The following GPRIN1 variants were observed in gnomAD, a reference collection of about 807,000 sequenced individuals.
GPRIN1 encodes the protein G protein regulated inducer of neurite outgrowth 1.
GPRIN1 carries 4 observed loss-of-function variants against 2.8 expected under a neutral mutation model. The ratio of observed to expected loss-of-function variants is 1.45; its 90% confidence interval spans 0.71 to 3.32. GPRIN1 has a LOEUF of 3.32. Among genes scored for constraint, GPRIN1 ranks in the 30% most tolerant of loss-of-function variants. The pLI, the probability that GPRIN1 is intolerant of heterozygous loss-of-function variation, is 0.01. For missense variants in GPRIN1, 1,322 were observed against 1,343.4 expected (o/e 0.98, Z 0.25); for synonymous variants, 589 against 589.9 (o/e 1.00, Z 0.02).
intron 1 of GPRIN1, 141 bp downstream of exon 1, chr5:176,609,858 G>A (rs1173514085): frequency 2.0e-5 from 3 of 150,210 alleles, no homozygotes; most frequent in Non-Finnish European, 4.5e-5. Flanking sequence ...ACACACCCGG[G>A]CTCATGCCGC....
At chr5:176,601,082 T>TA (rs74274465) in intron 1 of GPRIN1, among the ~76,000 whole-genome samples, 160 of 146,242 alleles carry the variant, frequency 1.1e-3, no homozygotes, top group African/African-American at 2.1e-3. Context: ...ATTAAAGGTT[T>TA]AAAAAAAAAA....
chr5:176,609,773 CCCCCGCCCCGCCCCGCCCCG>C (rs565734795), intron 1 of GPRIN1, among the ~76,000 whole-genome samples: 1 of 148,852 alleles, frequency 6.7e-6, no homozygotes, highest in Admixed American at 6.6e-5. Flanking sequence ...GCGGGACCCG[CCCCCGCCCCGCCCCGCCCCG>C]CCCCGCCCCG....
Position 176,599,600 on chromosome 5 carries a change from C to T in GPRIN1, c.235G>A (p.Glu79Lys). ...GGGCCGTCAGAGCAGGAGGCCCCTT[C>T]CCCAGCCCCACTGGGGCTTCTGTGT... ...SRHRSPSGAGEGASCSDGPRG... is the reference protein window; with the variant it reads ...SRHRSPSGAGKGASCSDGPRG... Residue 79 changes from glutamate (E) to lysine (K), a missense_variant, in exon 2 of 2, where the codon GAA (glutamate) becomes AAA (lysine). Glu to Lys is a moderately conservative substitution (Grantham distance 56). Around this residue, in one of 3 missense-constraint regions of GPRIN1, gnomAD observed 1,117 missense variants for 1,128.6 expected, o/e 0.99. Transcript: ENST00000303991. The T allele has an allele frequency of 6.5e-7, 1 of 1,542,896 alleles. No homozygotes were observed. Among genetic ancestry groups the T allele is most frequent in the Non-Finnish European group, 8.7e-7 (1 of 1,148,964 alleles).
rs138951715 is a variant in GPRIN1, at chr5:176,598,790, A to G, written c.1045T>C (p.Cys349Arg). The G allele has an allele frequency of 1.3e-4, 209 of 1,613,680 alleles. 1 individual carries two copies. In the African/African-American group the frequency reaches 2.6e-3, roughly 20 times the overall value. ...GATGCGGGATCTGCCATCCCCAAGCATGTGGGATCCAGCCTTCCCAAGGAC... is the reference window on the plus strand; with the variant it reads ...GATGCGGGATCTGCCATCCCCAAGCGTGTGGGATCCAGCCTTCCCAAGGAC... ...PGSLGRLDPTCLGMADPASVG... is the reference protein window; with the variant it reads ...PGSLGRLDPTRLGMADPASVG... The change falls in exon 2 of 2, where the codon TGC becomes CGC. Residue 349 changes from cysteine to arginine, a missense_variant. By Grantham distance (180) the Cys-to-Arg change is radical. Transcript: ENST00000303991.
chr5:176,609,157 G>T (rs1414343555), intron 1 of GPRIN1, among the ~76,000 whole-genome samples: 1 of 152,224 alleles, frequency 6.6e-6, no homozygotes, highest in Non-Finnish European at 1.5e-5. Flanking sequence ...GAGTGTGTGT[G>T]TAAGAGGGAG....
At position 176,596,327 on chromosome 5, in the gene GPRIN1, A is replaced by G. The variant is rs1759033398; in HGVS notation, c.*481T>C. The G allele has an allele frequency of 6.6e-6, 1 of 152,618 alleles. No homozygotes were observed. Among genetic ancestry groups the G allele is most frequent in the African/African-American group, 2.4e-5 (1 of 41,580 alleles). 9.5% of individuals were successfully genotyped at this position (152,618 alleles called of 1,614,324 possible). On this transcript the variant is annotated 3_prime_UTR_variant, in exon 2 of 2. Coordinates refer to ENST00000303991, the MANE Select transcript of GPRIN1 (RefSeq NM_052899.3). This position sits in a 1 kb window ranked among gnomAD's most constrained non-coding sequence, Gnocchi z 5.2. The stretch of plus-strand genomic sequence containing the variant: ...CCTCACGTGCTGCCCGAGACCTCAC[A>G]TTCAGAGACGTGCCCACTCGCGGGT...
At chr5:176,606,960 G>A (rs1463095264) in intron 1 of GPRIN1, among the ~76,000 whole-genome samples, 1 of 152,226 alleles carries the variant, frequency 6.6e-6, no homozygotes, top group Non-Finnish European at 1.5e-5. Context: ...CCTCTGAGAT[G>A]GGATAAAGTC....
intron 1 of GPRIN1, among the ~76,000 whole-genome samples, chr5:176,606,951 C>T (rs1212760891): frequency 6.6e-6 from 1 of 152,212 alleles, no homozygotes; most frequent in Non-Finnish European, 1.5e-5. Flanking sequence ...ATTTTCCAGC[C>T]TCTGAGATGG....
chr5:176,609,641 AC>A lies in GPRIN1; in HGVS notation c.-44+357del, dbSNP rs1759278997. 2.7e-5 allele frequency among the ~76,000 whole-genome samples: 4 copies of A among 150,590 alleles called. No homozygotes were observed. In the South Asian group the frequency reaches 8.4e-4, roughly 32 times the overall value. Reference sequence around the variant, plus strand: ...CGCCCTCCCCCCAGTGGCGGGAAGCACCCCCTCCCGCGCGGCCATGCCGAAC... The same window carrying A: ...CGCCCTCCCCCCAGTGGCGGGAAGCACCCCTCCCGCGCGGCCATGCCGAAC... On this transcript the variant is annotated intron_variant, in intron 1 of 1. Transcript: ENST00000303991.
rs1759159825 is a variant in GPRIN1, at chr5:176,602,320, C to G, written c.-43-2443G>C. On this transcript the variant is annotated intron_variant, in intron 1 of 1. Coordinates refer to ENST00000303991, the MANE Select transcript of GPRIN1 (RefSeq NM_052899.3). The surrounding 1 kb of genome is among the most constrained non-coding windows in gnomAD (Gnocchi z 4.4). ...CCTCTTATTCTAATCAGTTTTCCTC[C>G]ATAGTACCTGTCACCATCTGACATA... 1.3e-5 allele frequency among the ~76,000 whole-genome samples: 2 copies of G among 152,176 alleles called. No homozygotes were observed. Among genetic ancestry groups the G allele is most frequent in the African/African-American group, 4.8e-5 (2 of 41,442 alleles).
rs1477177773 is a variant in GPRIN1, at chr5:176,597,705, C to T, written c.2130G>A (p.Val710=). The change falls in exon 2 of 2, where the codon GTG becomes GTA. Residue 710 remains valine, a synonymous_variant. Transcript: ENST00000303991. The surrounding 1 kb of genome is among the most constrained non-coding windows in gnomAD (Gnocchi z 6.1). ...RKTESPSLGK[V]VPLSLEKTKP... ...TGGTCTTCTCCAGACTCAGGGGGAC[C>T]ACCTTCCCCAAGGATGGGGACTCCG... 1 of 1,594,494 alleles carries T rather than the reference C, an allele frequency of 6.3e-7. No homozygotes were observed. Among genetic ancestry groups the T allele is most frequent in the African/African-American group, 1.3e-5 (1 of 74,252 alleles).
At chr5:176,604,050 A>G (rs1373278858) in intron 1 of GPRIN1, among the ~76,000 whole-genome samples, 1 of 152,216 alleles carries the variant, frequency 6.6e-6, no homozygotes, top group African/African-American at 2.4e-5. Flanking sequence ...CACACAGGCA[A>G]TGTTCTAGGC....
Position 176,595,806 on chromosome 5 carries a change from G to A in GPRIN1, c.*1002C>T. 1 of 910,830 alleles carries A rather than the reference G, an allele frequency of 1.1e-6. No homozygotes were observed. The highest frequency in any genetic ancestry group is 1.6e-6 in the Non-Finnish European group (1 of 641,684). The allele number at this position is 910,830 out of a possible 1,614,324, so 56.4% of individuals were successfully genotyped here. On this transcript the variant is annotated 3_prime_UTR_variant, in exon 2 of 2. Transcript: ENST00000303991. The stretch of plus-strand genomic sequence containing the variant: ...GCCAATCACGGCAGACAGGGGTTGG[G>A]GAAATATTTTATTACCAATGTATAC...
intron 1 of GPRIN1, among the ~76,000 whole-genome samples, chr5:176,601,110 G>A (rs1466167415): frequency 1.3e-5 from 2 of 152,006 alleles, no homozygotes; most frequent in African/African-American, 4.8e-5. Flanking sequence ...ACATTATGTG[G>A]GCCAAACAAG....
intron 1 of GPRIN1, among the ~76,000 whole-genome samples, chr5:176,603,287 A>T (rs1003924694): frequency 1.3e-5 from 2 of 151,254 alleles, no homozygotes; most frequent in African/African-American, 4.9e-5. Context: ...GCCTCTACAC[A>T]CCCTCTTCTG....
chr5:176,609,324 T>C (rs1460418674), intron 1 of GPRIN1, among the ~76,000 whole-genome samples: 1 of 152,064 alleles, frequency 6.6e-6, no homozygotes, highest in Non-Finnish European at 1.5e-5. Flanking sequence ...GATGGCTGGT[T>C]TGAGTGCGTA....
At chr5:176,600,822 A>G (rs1161368932) in intron 1 of GPRIN1, among the ~76,000 whole-genome samples, 2 of 152,220 alleles carry the variant, frequency 1.3e-5, no homozygotes, top group Non-Finnish European at 2.9e-5. Context: ...AGGCCGAGGC[A>G]GGAGAATTGC....
chr5:176,609,615 A>G (rs1759278285), intron 1 of GPRIN1, among the ~76,000 whole-genome samples: 1 of 151,824 alleles, frequency 6.6e-6, no homozygotes, highest in Non-Finnish European at 1.5e-5. Flanking sequence ...ACGCGGGAGG[A>G]CGCCCTCCCC....
intron 1 of GPRIN1, among the ~76,000 whole-genome samples, chr5:176,607,609 G>A (rs1205260198): frequency 2.0e-5 from 3 of 152,176 alleles, no homozygotes; most frequent in African/African-American, 2.4e-5. Flanking sequence ...CTCTCAAAGT[G>A]TTGGGATTAC....
Sources: gnomAD v4.1 joint callset for allele counts (sites outside exome capture counted in the v4.1 genomes callset) on GRCh38, gnomAD v4.1.1 for gene constraint, gnomAD v4.1.1 regional missense constraint, Gnocchi (gnomAD v3.1) non-coding constraint, MANE v1.5 for transcripts, NCBI Gene and HGNC (gene_info 2026-07-23, HGNC 2026-07-21) for gene names.